The following RPS6KA2 variants were observed in gnomAD, a reference collection of about 807,000 sequenced individuals.
RPS6KA2 encodes ribosomal protein S6 kinase A2.
RPS6KA2 carries 42 observed loss-of-function variants against 91.8 expected under a neutral mutation model. That is an observed-to-expected ratio of 0.46 (90% CI 0.36 to 0.59). The LOEUF (loss-of-function observed/expected upper bound fraction) is 0.59. Among genes scored for constraint, RPS6KA2 ranks in the 20% least tolerant of loss-of-function variants. The pLI is 0.00. For missense variants in RPS6KA2, 798 were observed against 978.5 expected, an observed-to-expected ratio of 0.82 and a Z score of 2.46; for synonymous variants, 414 against 393.6, an observed-to-expected ratio of 1.05 and a Z score of -0.61.
chr6:166,633,992 G>C (rs1787160037), intron 2 of RPS6KA2, among the ~76,000 whole-genome samples: 1 of 152,222 alleles, frequency 6.6e-6, no homozygotes, highest in Non-Finnish European at 1.5e-5. Flanking sequence ...GAAAGAAAGA[G>C]CAGCTTGCGC....
At chr6:166,647,959 C>T (rs1787689752) in intron 2 of RPS6KA2, among the ~76,000 whole-genome samples, 1 of 144,476 alleles carries the variant, frequency 6.9e-6, no homozygotes, top group Non-Finnish European at 1.5e-5. Flanking sequence ...CATGCACATG[C>T]TTACATACAT....
chr6:166,500,479 C>T lies in RPS6KA2; in HGVS notation c.604+408G>A, dbSNP rs748410639. On this transcript the variant is annotated intron_variant, in intron 7 of 20. Coordinates refer to ENST00000265678, the MANE Select transcript of RPS6KA2 (RefSeq NM_021135.6). The surrounding 1 kb of genome is among the most constrained non-coding windows in gnomAD (Gnocchi z 4.3). ...TCAGTGAGGGCAGCAGTGCAGGCCG[C>T]ACTCCAGCGAGACTCCAGATGTCTG... 2.0e-5 allele frequency among the ~76,000 whole-genome samples: 3 copies of T among 152,156 alleles called. No homozygotes were observed. The highest frequency in any genetic ancestry group is 2.9e-5 in the Non-Finnish European group (2 of 68,024).
At chr6:166,696,922 T>C (rs937730237) in intron 2 of RPS6KA2, among the ~76,000 whole-genome samples, 1 of 152,236 alleles carries the variant, frequency 6.6e-6, no homozygotes, top group Non-Finnish European at 1.5e-5. Flanking sequence ...TTTTCAGGCT[T>C]TTGGACTCAG....
chr6:166,458,718 C>A (rs1346845948), intron 12 of RPS6KA2, among the ~76,000 whole-genome samples: 1 of 152,174 alleles, frequency 6.6e-6, no homozygotes, highest in Admixed American at 6.5e-5. Context: ...AGAGCTCTCA[C>A]CAGGAACCAA....
At chr6:166,492,489 T>C (rs972744576) in intron 8 of RPS6KA2, among the ~76,000 whole-genome samples, 12 of 152,170 alleles carry the variant, frequency 7.9e-5, no homozygotes, top group African/African-American at 2.7e-4. Flanking sequence ...AGGGAACTCC[T>C]TTCCTATTCT....
At chr6:166,628,133 C>T (rs1786964885), upstream of RPS6KA2, among the ~76,000 whole-genome samples, 2 of 152,258 alleles carry the variant, frequency 1.3e-5, no homozygotes, top group Non-Finnish European at 2.9e-5. Flanking sequence ...GGCGGGGTGA[C>T]CTGGGTCTAG....
In RPS6KA2 at chr6:166,496,600, TC is replaced by T. The variant is rs140273301; in HGVS notation, c.747+1907del. Among the ~76,000 whole-genome samples, 1,461 of 152,268 alleles carry T rather than the reference TC, an allele frequency of 9.6e-3. 31 individuals carry two copies. Among genetic ancestry groups the T allele is most frequent in the African/African-American group, 0.032 (1,340 of 41,528 alleles). ...TCTCCACTCCAGCCTGGCCTCTTGT[TC>T]TTTTTAAACATTGGTTCACCTGAGA... is the stretch of plus-strand genomic sequence containing the variant. On this transcript the variant is annotated intron_variant, in intron 8 of 20. Transcript: ENST00000265678.
rs1562502433 is a variant in RPS6KA2, at chr6:166,451,134, A to G, written c.1175T>C (p.Leu392Pro). 1 of 1,614,126 alleles carries G rather than the reference A, an allele frequency of 6.2e-7. No homozygotes were observed. Among genetic ancestry groups the G allele is most frequent in the East Asian group, 2.2e-5 (1 of 44,878 alleles). The change falls in exon 13 of 21, where the codon CTG becomes CCG. Residue 392 changes from leucine (L) to proline (P), a missense_variant. Coordinates refer to ENST00000265678, the MANE Select transcript of RPS6KA2 (RefSeq NM_021135.6). ...SLIQEPSQQD[L>P]HKVPVHPIVQ... ...GATTGGGTGAACTGGGACTTTGTGC[A>G]GATCTTGCTGTGAGGGCTCCTGGAT...
chr6:166,417,608 T>A (rs1778578121), intron 19 of RPS6KA2, among the ~76,000 whole-genome samples: 1 of 121,366 alleles, frequency 8.2e-6, no homozygotes, highest in South Asian at 3.4e-4. Context: ...TACAAATAAA[T>A]CTCTCTCTCT....
intron 2 of RPS6KA2, among the ~76,000 whole-genome samples, chr6:166,724,680 G>A (rs936159170): frequency 3.3e-5 from 5 of 152,180 alleles, no homozygotes; most frequent in African/African-American, 7.2e-5. Flanking sequence ...CTAATCTGTG[G>A]CCATTTGGCC....
chr6:166,776,828 CTG>C (rs746655886), intron 2 of RPS6KA2, among the ~76,000 whole-genome samples: 6 of 152,188 alleles, frequency 3.9e-5, no homozygotes, highest in Non-Finnish European at 8.8e-5. Flanking sequence ...GACATGTGGG[CTG>C]TCTCTTATCT....
chr6:166,455,706 G>A (rs1465730787), intron 12 of RPS6KA2, among the ~76,000 whole-genome samples: 3 of 152,180 alleles, frequency 2.0e-5, no homozygotes, highest in Admixed American at 6.5e-5. Flanking sequence ...CGCGGCACAC[G>A]GAGCCGCTCG....
At chr6:166,561,839 G>C (rs1326245697) in intron 1 of RPS6KA2, among the ~76,000 whole-genome samples, 1 of 152,124 alleles carries the variant, frequency 6.6e-6, no homozygotes, top group African/African-American at 2.4e-5. Flanking sequence ...TGAGAGGGAG[G>C]CTCTGGAGCA....
intron 2 of RPS6KA2, among the ~76,000 whole-genome samples, chr6:166,672,363 C>A (rs1243541959): frequency 6.6e-6 from 1 of 152,166 alleles, no homozygotes; most frequent in Non-Finnish European, 1.5e-5. Flanking sequence ...GCTAGATTCA[C>A]AGCAGATAAC....
upstream of RPS6KA2, chr6:166,628,122 G>T (rs550009008): frequency 1.3e-5 from 2 of 152,408 alleles, no homozygotes; most frequent in East Asian, 1.9e-4. Flanking sequence ...GGGAATACCC[G>T]GGCGGGGTGA....
chr6:166,809,456 C>T (rs1387602440), intron 2 of RPS6KA2, among the ~76,000 whole-genome samples: 1 of 151,970 alleles, frequency 6.6e-6, no homozygotes, highest in African/African-American at 2.4e-5. Context: ...CATCAAGGGA[C>T]TGATATTAAG....
intron 2 of RPS6KA2, among the ~76,000 whole-genome samples, chr6:166,783,783 T>A (rs1248209445): frequency 2.7e-5 from 4 of 149,908 alleles, no homozygotes; most frequent in Admixed American, 6.6e-5. Flanking sequence ...CATCTATCTA[T>A]AACTACATAT....
intron 2 of RPS6KA2, among the ~76,000 whole-genome samples, chr6:166,843,508 T>G (rs1286854821): frequency 6.6e-6 from 1 of 152,154 alleles, no homozygotes; most frequent in African/African-American, 2.4e-5. Flanking sequence ...AGGACCCTCA[T>G]AGAGTCCACT....
In RPS6KA2 at chr6:166,737,792, T is replaced by A. The variant is rs1790709792; in HGVS notation, c.123+120408A>T. ...TAGTATATTCCCTGTTTAGACGAAC[T>A]CTAAATTAAACTCAAATCCCTTTGG... is the stretch of plus-strand genomic sequence containing the variant. On this transcript the variant is annotated intron_variant, in intron 2 of 21. Transcript: ENST00000503859. The surrounding 1 kb of genome is among the most constrained non-coding windows in gnomAD (Gnocchi z 4.3). 6.6e-6 allele frequency among the ~76,000 whole-genome samples: 1 copy of A among 152,228 alleles called. No individual in the cohort carries two copies. Among genetic ancestry groups the A allele is most frequent in the Non-Finnish European group, 1.5e-5 (1 of 68,038 alleles).
Sources: gnomAD v4.1 joint callset for allele counts (sites outside exome capture counted in the v4.1 genomes callset) on GRCh38, gnomAD v4.1.1 for gene constraint, Gnocchi (gnomAD v3.1) non-coding constraint, MANE v1.5 for transcripts, NCBI Gene and HGNC (gene_info 2026-07-23, HGNC 2026-07-21) for gene names.